TXNDC8: variants seen among roughly 807,000 people sequenced by gnomAD.
The protein encoded by TXNDC8 is thioredoxin domain containing 8.
TXNDC8 carries 15 observed loss-of-function variants against 12.9 expected under a neutral mutation model. The observed-to-expected ratio is 1.16, with a 90% CI of 0.78 to 1.79. The LOEUF is 1.79. TXNDC8 is among the 40% of genes most tolerant of loss of function. The probability of loss-of-function intolerance (pLI) is 0.00; values close to 1 mark genes in which losing one functional copy is unlikely to be tolerated. For missense variants in TXNDC8, 128 were observed against 113.2 expected, an observed-to-expected ratio of 1.13 and a Z score of -0.59; for synonymous variants, 40 against 35.4, an observed-to-expected ratio of 1.13 and a Z score of -0.46.
chr9:110,305,551 T>C (rs1424005410), intron 3 of TXNDC8, among the ~76,000 whole-genome samples: 9 of 33,214 alleles, frequency 2.7e-4, no homozygotes, highest in Non-Finnish European at 4.3e-4. Flanking sequence ...TTTCTTTTTC[T>C]TTCTTTCTTT....
chr9:110,301,844 A>G (rs1838276650), downstream of TXNDC8, among the ~76,000 whole-genome samples: 2 of 152,160 alleles, frequency 1.3e-5, no homozygotes, highest in Admixed American at 1.3e-4. Flanking sequence ...TCCGTGAATC[A>G]AGTTTTATTT....
At chr9:110,305,806 T>TCTTTCCTTTC (rs796080969) in intron 3 of TXNDC8, among the ~76,000 whole-genome samples, 1 of 81,890 alleles carries the variant, frequency 1.2e-5, no homozygotes, top group Non-Finnish European at 2.1e-5. Flanking sequence ...TCTTTTCTTT[T>TCTTTCCTTTC]CTTTCCTTTC....
At position 110,337,855 on chromosome 9, in the gene TXNDC8, C is replaced by T. The variant is rs886469009; in HGVS notation, c.-59G>A. The T allele has an allele frequency of 6.6e-7, 1 of 1,524,062 alleles. No individual in the cohort carries two copies. Among genetic ancestry groups the T allele is most frequent in the Non-Finnish European group, 9.1e-7 (1 of 1,100,194 alleles). The allele number at this position is 1,524,062 out of a possible 1,614,324, so 94.4% of individuals were successfully genotyped here. ...TGTTGGTTTAGTTGGATCACTGTAG[C>T]TGTCTCCTATTTATTACAGTATCCT... On this transcript the variant is annotated 5_prime_UTR_variant, in exon 1 of 5. Transcript: ENST00000423740.
chr9:110,330,000 G>A (rs1336323514), intron 2 of TXNDC8, among the ~76,000 whole-genome samples: 1 of 152,170 alleles, frequency 6.6e-6, no homozygotes, highest in African/African-American at 2.4e-5. Flanking sequence ...CGGTGACCAT[G>A]GTGCTGGTAG....
chr9:110,301,409 GACA>G (rs1271451280), downstream of TXNDC8, among the ~76,000 whole-genome samples: 1 of 152,190 alleles, frequency 6.6e-6, no homozygotes. Context: ...ATTTTTATCA[GACA>G]ACTTTTGCTT....
At chr9:110,333,788 C>A (rs1239977852) in intron 2 of TXNDC8, among the ~76,000 whole-genome samples, 1 of 152,066 alleles carries the variant, frequency 6.6e-6, no homozygotes, top group Non-Finnish European at 1.5e-5. Context: ...ATAACAAAGA[C>A]ATATGGTTTG....
chr9:110,305,147 C>CAAAAA (rs769344640), intron 3 of TXNDC8, among the ~76,000 whole-genome samples: 1,260 of 57,082 alleles, frequency 0.022, 77 homozygotes, highest in Admixed American at 0.08. Context: ...GATTCTGTCT[C>CAAAAA]AAAAAAAAAA....
At chr9:110,317,525 G>A (rs1198525008) in intron 3 of TXNDC8, among the ~76,000 whole-genome samples, 1 of 152,214 alleles carries the variant, frequency 6.6e-6, no homozygotes, top group Non-Finnish European at 1.5e-5. Context: ...AACCTGCCCA[G>A]ATAGATCTGG....
rs904181865 is a variant in TXNDC8, at chr9:110,334,204, G to A, written c.129+12C>T. 1 of 1,593,682 alleles carries A rather than the reference G, an allele frequency of 6.3e-7. No homozygotes were observed. The highest frequency in any genetic ancestry group is 8.6e-7 in the Non-Finnish European group (1 of 1,162,596). ...CTTCTGAAACTATGAGATATATACT[G>A]GTTGTACTCACATGGAAAACAGGAA... On this transcript the variant is annotated intron_variant, in intron 2 of 4. Coordinates refer to ENST00000423740, the MANE Select transcript of TXNDC8 (RefSeq NM_001286946.2).
chr9:110,337,785 A>T lies in TXNDC8; in HGVS notation c.12T>A (p.Ile4=), dbSNP rs141288768. ...AATAAATACTTGCCGTGTCTTTAAT[A>T]ATCTGTACCATGATTACACCAGGGA... The change falls in exon 1 of 5, where the codon ATT becomes ATA. Residue 4 remains isoleucine (I), a synonymous_variant. Coordinates refer to ENST00000423740, the MANE Select transcript of TXNDC8 (RefSeq NM_001286946.2). The T allele has an allele frequency of 3.1e-6, 5 of 1,614,018 alleles. No individual in the cohort carries two copies. In the African/African-American group the frequency reaches 6.7e-5, roughly 22 times the overall value.
chr9:110,302,416 G>A (rs373622880), downstream of TXNDC8, among the ~76,000 whole-genome samples: 264 of 152,282 alleles, frequency 1.7e-3, 7 homozygotes, highest in South Asian at 0.052. Flanking sequence ...GATTACAGGC[G>A]TGAGCCACTA....
rs201992656 is a variant in TXNDC8 at position 110,305,837 on chromosome 9, C to T, written c.196-1305G>A. Among the ~76,000 whole-genome samples, 13 of 74,172 alleles carry T rather than the reference C, an allele frequency of 1.8e-4. No homozygotes were observed. In the East Asian group the frequency reaches 4.3e-3, roughly 24 times the overall value. The allele number at this position is 74,172 out of a possible 152,430, so 48.7% of individuals were successfully genotyped here. A position where few individuals can be genotyped will look rare whatever the true frequency, so the allele number is the denominator to read the frequency against. On this transcript the variant is annotated intron_variant, in intron 3 of 4. Coordinates refer to ENST00000423740, the MANE Select transcript of TXNDC8 (RefSeq NM_001286946.2). ...CTTTCCTTTCCTTTCCTTTCTTTTC[C>T]TTTCTTTTCTTTTCTTTCTTTTTCT...
At chr9:110,305,566 CTTTCTTTCTTTCT>C (rs1838410930) in intron 3 of TXNDC8, among the ~76,000 whole-genome samples, 1 of 133,650 alleles carries the variant, frequency 7.5e-6, no homozygotes, top group Non-Finnish European at 1.5e-5. Context: ...TTCTTTCTTT[CTTTCTTTCTTTCT>C]TTCTTTCTTT....
intron 3 of TXNDC8, among the ~76,000 whole-genome samples, chr9:110,319,421 G>GT (rs926568757): frequency 1.3e-5 from 2 of 152,212 alleles, no homozygotes; most frequent in Non-Finnish European, 2.9e-5. Flanking sequence ...ACATCTTCTA[G>GT]TATTTACCAA....
At chr9:110,322,703 A>G (rs1839151780) in intron 3 of TXNDC8, 2 of 985,516 alleles carry the variant, frequency 2.0e-6, no homozygotes, top group Non-Finnish European at 2.4e-6. Context: ...ATAAAACCAG[A>G]AAATTATACT....
chr9:110,325,761 T>C (rs763286381), intron 3 of TXNDC8, among the ~76,000 whole-genome samples: 4 of 152,178 alleles, frequency 2.6e-5, no homozygotes, highest in Non-Finnish European at 5.9e-5. Flanking sequence ...CCTTGTGATC[T>C]GCCCGCCTTG....
chr9:110,311,785 GATATACT>G lies in TXNDC8; in HGVS notation c.196-7260_196-7254del, dbSNP rs1165134095. ...ATGTACTATATATATACTATATATG[GATATACT>G]ATATACTATATATACTATATATGGA... On this transcript the variant is annotated intron_variant, in intron 3 of 4. Coordinates refer to ENST00000423740, the MANE Select transcript of TXNDC8 (RefSeq NM_001286946.2). Among the ~76,000 whole-genome samples, 5 of 135,580 alleles carry G rather than the reference GATATACT, an allele frequency of 3.7e-5. No individual in the cohort carries two copies. The East Asian group carries it at 8.5e-4, about 23-fold the overall frequency. 88.9% of individuals were successfully genotyped at this position (135,580 alleles called of 152,430 possible). A position where few individuals can be genotyped will look rare whatever the true frequency, so the allele number is the denominator to read the frequency against.
intron 3 of TXNDC8, chr9:110,322,608 A>G (rs562385728): frequency 1.0e-6 from 1 of 985,472 alleles, no homozygotes; most frequent in Non-Finnish European, 1.2e-6. Flanking sequence ...AAATCAGTTG[A>G]GAACTCAGAG....
At chr9:110,312,982 T>G (rs993135191) in intron 3 of TXNDC8, among the ~76,000 whole-genome samples, 1 of 152,222 alleles carries the variant, frequency 6.6e-6, no homozygotes. Context: ...CTCAGTTCAC[T>G]GCAACCTCCG....
Sources: allele counts gnomAD v4.1 joint callset (sites outside exome capture counted in the v4.1 genomes callset), GRCh38; gene constraint gnomAD v4.1.1; transcripts MANE v1.5; gene names NCBI Gene and HGNC (gene_info 2026-07-23, HGNC 2026-07-21).